The following MCTP1 variants were observed in gnomAD, a reference collection of about 807,000 sequenced individuals.
The protein encoded by MCTP1 is multiple C2 and transmembrane domain-containing protein 1.
Under a neutral mutation model 120.6 loss-of-function variants are expected in MCTP1, and 69 were observed. The ratio of observed to expected loss-of-function variants is 0.57; its 90% CI spans 0.47 to 0.70. The LOEUF (loss-of-function observed/expected upper bound fraction) is 0.70, where lower values mean the gene tolerates loss of function less well. Among genes scored for constraint, MCTP1 ranks in the 30% least tolerant of loss-of-function variants. MCTP1 has a pLI of 0.00. For missense variants in MCTP1, 1,203 were observed against 1,248.8 expected (o/e 0.96, Z 0.55); for synonymous variants, 529 against 493.1 (o/e 1.07, Z -0.96).
At chr5:94,990,072 C>T (rs529306289) in intron 2 of MCTP1, among the ~76,000 whole-genome samples, 27 of 152,230 alleles carry the variant, frequency 1.8e-4, no homozygotes, top group African/African-American at 5.1e-4. Context: ...AAAAAGGGGA[C>T]GGTACAATCT....
chr5:94,880,200 C>G (rs558264026), intron 12 of MCTP1, among the ~76,000 whole-genome samples: 2 of 151,982 alleles, frequency 1.3e-5, no homozygotes, highest in Non-Finnish European at 2.9e-5. Flanking sequence ...GCAAGTGATT[C>G]GTTACAAGCT....
At chr5:95,007,988 G>A (rs938639193) in intron 2 of MCTP1, among the ~76,000 whole-genome samples, 6 of 152,068 alleles carry the variant, frequency 3.9e-5, no homozygotes, top group African/African-American at 1.2e-4. Context: ...TTGTTACCCA[G>A]TGTAATGCCT....
At chr5:95,048,221 G>A (rs1745044513) in intron 1 of MCTP1, among the ~76,000 whole-genome samples, 1 of 152,108 alleles carries the variant, frequency 6.6e-6, no homozygotes, top group Non-Finnish European at 1.5e-5. Context: ...GCCATTAGTT[G>A]AAACTGCTAC....
chr5:95,140,377 T>C (rs1176416647), intron 1 of MCTP1, among the ~76,000 whole-genome samples: 1 of 152,114 alleles, frequency 6.6e-6, no homozygotes, highest in Non-Finnish European at 1.5e-5. Flanking sequence ...TTGTTACTTC[T>C]CTATAGTCCA....
At chr5:95,027,214 C>A (rs1184247961) in intron 1 of MCTP1, among the ~76,000 whole-genome samples, 7 of 152,186 alleles carry the variant, frequency 4.6e-5, no homozygotes, top group Non-Finnish European at 7.3e-5. Flanking sequence ...GTGCACCCCA[C>A]TACGTATGTC....
intron 1 of MCTP1, among the ~76,000 whole-genome samples, chr5:95,182,744 G>A (rs995610810): frequency 7.9e-5 from 12 of 151,978 alleles, no homozygotes; most frequent in African/African-American, 2.7e-4. Context: ...AAAATGGGGG[G>A]GACTCATGTT....
At chr5:95,262,475 A>T (rs1360417053) in intron 1 of MCTP1, among the ~76,000 whole-genome samples, 1 of 152,234 alleles carries the variant, frequency 6.6e-6, no homozygotes, top group African/African-American at 2.4e-5. Flanking sequence ...AGACATAAAA[A>T]TAATATAAAA....
intron 2 of MCTP1, among the ~76,000 whole-genome samples, chr5:94,992,114 C>A (rs183503919): frequency 6.6e-5 from 10 of 152,228 alleles, no homozygotes; most frequent in Admixed American, 1.3e-4. Flanking sequence ...TAGCATACAG[C>A]CAGAGGAATT....
intron 1 of MCTP1, chr5:95,023,942 A>G (rs1001068874): frequency 9.4e-6 from 2 of 212,116 alleles, no homozygotes; most frequent in African/African-American, 4.7e-5. Context: ...TTTAGCAGTT[A>G]TAAGAAGTTA....
intron 1 of MCTP1, among the ~76,000 whole-genome samples, chr5:95,212,050 A>G (rs1562242372): frequency 6.6e-6 from 1 of 152,272 alleles, no homozygotes; most frequent in African/African-American, 2.4e-5. Context: ...GACACAAAAA[A>G]CCCTTCAAAA....
chr5:95,159,829 G>A (rs1342095096), intron 1 of MCTP1, among the ~76,000 whole-genome samples: 9 of 152,056 alleles, frequency 5.9e-5, no homozygotes, highest in Non-Finnish European at 1.5e-5. Context: ...TACCTAGAGT[G>A]ATCATAGAGA....
intron 1 of MCTP1, among the ~76,000 whole-genome samples, chr5:95,097,604 T>G (rs1026393477): frequency 6.6e-6 from 1 of 152,226 alleles, no homozygotes; most frequent in East Asian, 1.9e-4. Flanking sequence ...TTTGTTGGTT[T>G]CCATCATGGG....
chr5:95,213,294 T>C (rs1256178069), intron 1 of MCTP1, among the ~76,000 whole-genome samples: 1 of 152,040 alleles, frequency 6.6e-6, no homozygotes, highest in African/African-American at 2.4e-5. Flanking sequence ...TACCTAGGAA[T>C]CCAACTTACA....
intron 13 of MCTP1, 105 bp downstream of exon 13, chr5:94,873,034 T>A: frequency 1.4e-6 from 1 of 714,444 alleles, no homozygotes; most frequent in Non-Finnish European, 2.5e-6. Flanking sequence ...TGCATTGAGT[T>A]GTGAATCAGT....
intron 1 of MCTP1, among the ~76,000 whole-genome samples, chr5:95,189,282 A>T (rs1749574116): frequency 6.6e-6 from 1 of 152,194 alleles, no homozygotes; most frequent in South Asian, 2.1e-4. Context: ...AGAGTTGGTG[A>T]AAGGGAGGAG....
At chr5:95,138,780 T>G (rs1186951305) in intron 1 of MCTP1, among the ~76,000 whole-genome samples, 11 of 152,240 alleles carry the variant, frequency 7.2e-5, no homozygotes, top group Non-Finnish European at 1.3e-4. Context: ...TTTGTGCATT[T>G]AGGGTGTTGT....
intron 3 of MCTP1, among the ~76,000 whole-genome samples, chr5:94,944,340 C>T (rs545586621): frequency 6.2e-4 from 95 of 152,258 alleles, no homozygotes; most frequent in Non-Finnish European, 1.1e-3. Flanking sequence ...CTTTAGTCAT[C>T]TGCTCAGTGG....
At chr5:95,168,848 G>C (rs1014241453) in intron 1 of MCTP1, among the ~76,000 whole-genome samples, 1 of 152,138 alleles carries the variant, frequency 6.6e-6, no homozygotes, top group African/African-American at 2.4e-5. Context: ...TGCAAACAGG[G>C]ACAATTTGAC....
intron 2 of MCTP1, among the ~76,000 whole-genome samples, chr5:94,982,889 A>AAAAAAAAAAAAAAAAAAG: frequency 7.9e-6 from 1 of 126,022 alleles, no homozygotes; most frequent in Admixed American, 7.6e-5. Flanking sequence ...TTCATCAAAA[A>AAAAAAAAAAAAAAAAAAG]AAAAAAAAAA....
Sources: gnomAD v4.1 joint callset for allele counts (sites outside exome capture counted in the v4.1 genomes callset) on GRCh38, gnomAD v4.1.1 for gene constraint, MANE v1.5 for transcripts, NCBI Gene and HGNC (gene_info 2026-07-23, HGNC 2026-07-21) for gene names.